Variants in SIK3 observed in about 807,000 individuals in gnomAD.
SIK3 encodes serine/threonine-protein kinase SIK3.
Under a neutral mutation model 144.2 loss-of-function variants are expected in SIK3, and 28 were observed. That is an observed-to-expected ratio of 0.19 (90% CI 0.14 to 0.27). SIK3 has a LOEUF of 0.27. SIK3 is among the 10% of genes least tolerant of loss of function. SIK3 has a pLI of 1.00. For missense variants in SIK3, 1,319 were observed against 1,776.0 expected (o/e 0.74, Z 4.62); for synonymous variants, 686 against 676.3 (o/e 1.01, Z -0.22).
At chr11:116,905,241 C>A (rs1283073058) in intron 4 of SIK3, among the ~76,000 whole-genome samples, 1 of 152,198 alleles carries the variant, frequency 6.6e-6, no homozygotes, top group Non-Finnish European at 1.5e-5. Flanking sequence ...TTTCACTGAG[C>A]ATAATATTTT....
intron 3 of SIK3, among the ~76,000 whole-genome samples, chr11:116,938,254 GGAGAA>G (rs1565474708): frequency 1.5e-5 from 1 of 64,760 alleles, no homozygotes; most frequent in Non-Finnish European, 2.9e-5. Flanking sequence ...GGAGAAGAGG[GGAGAA>G]GAGAGGAGAG....
intron 21 of SIK3, among the ~76,000 whole-genome samples, chr11:116,854,313 G>A (rs1273048177): frequency 6.6e-6 from 1 of 152,184 alleles, no homozygotes; most frequent in Non-Finnish European, 1.5e-5. Flanking sequence ...AGTGAACCGT[G>A]GTTGCACCAC....
intron 1 of SIK3, among the ~76,000 whole-genome samples, chr11:117,097,415 C>A (rs967189501): frequency 6.6e-6 from 1 of 152,146 alleles, no homozygotes; most frequent in Non-Finnish European, 1.5e-5. Flanking sequence ...CTAGTGCCAT[C>A]ATAAACCTGG....
At chr11:117,006,661 GA>G (rs1565548865) in intron 1 of SIK3, among the ~76,000 whole-genome samples, 1 of 151,406 alleles carries the variant, frequency 6.6e-6, no homozygotes, top group African/African-American at 2.4e-5. Context: ...AAGAAAGAAA[GA>G]AAAAAAAGAT....
intron 1 of SIK3, among the ~76,000 whole-genome samples, chr11:116,957,409 T>TGTA (rs1173990625): frequency 6.6e-6 from 1 of 152,190 alleles, no homozygotes; most frequent in East Asian, 1.9e-4. Context: ...ACAGGGTCTC[T>TGTA]CATTAAGACA....
In SIK3 at chr11:116,922,566, C is replaced by T. The variant is rs114708594; in HGVS notation, c.616+4653G>A. On this transcript the variant is annotated intron_variant, in intron 4 of 24. Transcript: ENST00000445177. ...CTTTATGAGGCCAAGGCAGGAGAAT[C>T]GCTTGAGGCCAGGAGTTTGAGACCA... Among the ~76,000 whole-genome samples the T allele has an allele frequency of 3.8e-3, 583 of 152,060 alleles. 5 individuals are homozygous for T. Among genetic ancestry groups the T allele is most frequent in the African/African-American group, 0.014 (567 of 41,496 alleles).
rs931094662 is a variant in SIK3 at position 117,052,067 on chromosome 11, G to A, written c.273+46076C>T. Among the ~76,000 whole-genome samples, 4 of 151,936 alleles carry A rather than the reference G, an allele frequency of 2.6e-5. No homozygotes were observed. The South Asian group carries it at 8.3e-4, about 32-fold the overall frequency. On this transcript the variant is annotated intron_variant, in intron 1 of 24. Transcript: ENST00000445177. ...TGAGGCAGGAGAATTGCTTGAAACC[G>A]GAAGGCGGAAGTTGCAGTTTGCAAG...
rs140028730 is a variant in SIK3, at chr11:116,984,034, G to A, written c.274-26970C>T. ...CCACTGCACTCCAGCCTGGGTGACA[G>A]AGCAAGACCCTGACTCAAAAAAAAA... is the stretch of plus-strand genomic sequence containing the variant. On this transcript the variant is annotated intron_variant, in intron 1 of 24. Coordinates refer to ENST00000445177, the MANE Select transcript of SIK3 (RefSeq NM_001366686.3). Among the ~76,000 whole-genome samples the A allele has an allele frequency of 7.1e-3, 895 of 126,204 alleles. 16 individuals are homozygous for A. Among genetic ancestry groups the A allele is most frequent in the African/African-American group, 0.027 (823 of 30,830 alleles). The allele number at this position is 126,204 out of a possible 152,430, so 82.8% of individuals were successfully genotyped here.
chr11:116,908,647 A>C (rs528137949), intron 4 of SIK3, among the ~76,000 whole-genome samples: 1 of 152,344 alleles, frequency 6.6e-6, no homozygotes, highest in Admixed American at 6.5e-5. Flanking sequence ...TGACAAAAAA[A>C]GGCCAAGAGA....
intron 15 of SIK3, among the ~76,000 whole-genome samples, chr11:116,865,272 C>A (rs1471344231): frequency 2.0e-5 from 3 of 152,112 alleles, no homozygotes; most frequent in Non-Finnish European, 4.4e-5. Context: ...CTTCAAGTAG[C>A]AATACAGTCT....
At chr11:116,907,984 AT>A (rs1052529588) in intron 4 of SIK3, among the ~76,000 whole-genome samples, 5 of 108,238 alleles carry the variant, frequency 4.6e-5, no homozygotes, top group Admixed American at 1.8e-4. Flanking sequence ...TCACGTTTTT[AT>A]TTAAAAAAAA....
At chr11:117,007,207 G>C (rs1194874004) in intron 1 of SIK3, among the ~76,000 whole-genome samples, 1 of 152,004 alleles carries the variant, frequency 6.6e-6, no homozygotes, top group Non-Finnish European at 1.5e-5. Flanking sequence ...GTGAAACCCT[G>C]TCTCTACTAA....
At chr11:116,935,015 G>A (rs1375919963) in intron 3 of SIK3, among the ~76,000 whole-genome samples, 1 of 152,096 alleles carries the variant, frequency 6.6e-6, no homozygotes, top group Non-Finnish European at 1.5e-5. Flanking sequence ...AACCTGGAAA[G>A]CAGAGTTTGC....
At chr11:116,953,949 G>T in intron 3 of SIK3, 95 bp downstream of exon 3, 1 of 865,314 alleles carries the variant, frequency 1.2e-6, no homozygotes, top group Non-Finnish European at 1.9e-6. Flanking sequence ...AGCATCAAGT[G>T]ACTGCTGCTC....
intron 3 of SIK3, among the ~76,000 whole-genome samples, chr11:116,931,471 AACAG>A (rs1947599094): frequency 6.6e-6 from 1 of 152,292 alleles, no homozygotes; most frequent in South Asian, 2.1e-4. Flanking sequence ...TTCCACTCTA[AACAG>A]ACAGTGTCTC....
intron 3 of SIK3, among the ~76,000 whole-genome samples, chr11:116,941,706 T>C (rs936185390): frequency 1.3e-5 from 2 of 152,208 alleles, no homozygotes; most frequent in African/African-American, 4.8e-5. Flanking sequence ...ATCATACACA[T>C]TTCAACAGAC....
At chr11:116,977,957 G>C (rs946052833) in intron 1 of SIK3, among the ~76,000 whole-genome samples, 1 of 152,176 alleles carries the variant, frequency 6.6e-6, no homozygotes, top group East Asian at 1.9e-4. Flanking sequence ...GGTGGCTCAC[G>C]CCTGTAATCC....
At chr11:116,999,406 T>C (rs1432334376) in intron 1 of SIK3, among the ~76,000 whole-genome samples, 1 of 152,338 alleles carries the variant, frequency 6.6e-6, no homozygotes, top group East Asian at 1.9e-4. Context: ...ATTTTTTTAA[T>C]CTGTGATTCC....
At chr11:116,998,775 G>C (rs1950754147) in intron 1 of SIK3, among the ~76,000 whole-genome samples, 1 of 152,128 alleles carries the variant, frequency 6.6e-6, no homozygotes, top group Non-Finnish European at 1.5e-5. Flanking sequence ...AACTCTAAGA[G>C]CACTGAAATT....
Sources: gnomAD v4.1 joint callset for allele counts (sites outside exome capture counted in the v4.1 genomes callset) on GRCh38, gnomAD v4.1.1 for gene constraint, MANE v1.5 for transcripts, NCBI Gene and HGNC (gene_info 2026-07-23, HGNC 2026-07-21) for gene names.